The following GPC6 variants were observed in gnomAD, a reference collection of about 807,000 sequenced individuals.
GPC6 encodes glypican 6.
A neutral mutation model predicts 55.2 loss-of-function variants in GPC6; 14 were observed. The ratio of observed to expected loss-of-function variants is 0.25; its 90% CI spans 0.17 to 0.40. GPC6 has a LOEUF of 0.40. Ranked by LOEUF, GPC6 falls within the 10% of genes least tolerant of loss-of-function variation. GPC6 has a pLI of 1.00. For missense variants in GPC6, 641 were observed against 708.5 expected, an observed-to-expected ratio of 0.90 and a Z score of 1.08; for synonymous variants, 278 against 259.6, an observed-to-expected ratio of 1.07 and a Z score of -0.68.
chr13:94,272,906 G>A (rs981046875), intron 4 of GPC6, among the ~76,000 whole-genome samples: 1 of 152,050 alleles, frequency 6.6e-6, no homozygotes, highest in Non-Finnish European at 1.5e-5. Flanking sequence ...ACATCACCAG[G>A]CTCCTCGTGT....
At chr13:93,477,280 A>C (rs1211038972) in intron 1 of GPC6, among the ~76,000 whole-genome samples, 1 of 152,184 alleles carries the variant, frequency 6.6e-6, no homozygotes, top group Non-Finnish European at 1.5e-5. Context: ...ATTAAAGACA[A>C]TTTTTGTAAA....
intron 1 of GPC6, among the ~76,000 whole-genome samples, chr13:93,343,974 A>C (rs1880348680): frequency 6.6e-6 from 1 of 152,150 alleles, no homozygotes; most frequent in Non-Finnish European, 1.5e-5. Context: ...CACCTCTTCA[A>C]ATTTCCTTTA....
chr13:93,962,807 A>G (rs1486659486), intron 3 of GPC6, among the ~76,000 whole-genome samples: 3 of 152,188 alleles, frequency 2.0e-5, no homozygotes, highest in Admixed American at 2.0e-4. Flanking sequence ...AAAATGACTA[A>G]AAGATGAAAG....
intron 3 of GPC6, among the ~76,000 whole-genome samples, chr13:93,853,227 A>G (rs758436931): frequency 6.6e-6 from 1 of 151,670 alleles, no homozygotes; most frequent in African/African-American, 2.4e-5. Flanking sequence ...AGTAACATCT[A>G]TTTGTCTTTC....
chr13:94,355,604 T>G (rs1171201746), intron 6 of GPC6, among the ~76,000 whole-genome samples: 3 of 152,118 alleles, frequency 2.0e-5, no homozygotes, highest in Admixed American at 6.5e-5. Flanking sequence ...GCTATTAATA[T>G]CAATCTAAAT....
chr13:94,075,004 C>T (rs931966464), intron 4 of GPC6, among the ~76,000 whole-genome samples: 5 of 151,568 alleles, frequency 3.3e-5, no homozygotes, highest in Non-Finnish European at 5.9e-5. Context: ...GTTTTTACTC[C>T]TAGACCTTAA....
At chr13:93,263,644 C>A (rs1877226910) in intron 1 of GPC6, among the ~76,000 whole-genome samples, 1 of 152,178 alleles carries the variant, frequency 6.6e-6, no homozygotes, top group South Asian at 2.1e-4. Context: ...GGATTACAGG[C>A]ATGAGCCACC....
intron 4 of GPC6, among the ~76,000 whole-genome samples, chr13:94,134,129 T>C (rs1887101615): frequency 6.6e-6 from 1 of 152,222 alleles, no homozygotes; most frequent in African/African-American, 2.4e-5. Flanking sequence ...TTTTTCATTA[T>C]CATAAAGGCA....
intron 4 of GPC6, among the ~76,000 whole-genome samples, chr13:94,255,582 T>G (rs567960215): frequency 9.2e-5 from 14 of 152,252 alleles, no homozygotes; most frequent in African/African-American, 3.1e-4. Context: ...CTCCTCTTTT[T>G]CTATCTAAGG....
At chr13:93,393,107 G>GAT (rs374414019) in intron 1 of GPC6, among the ~76,000 whole-genome samples, 4,591 of 114,348 alleles carry the variant, frequency 0.04, 182 homozygotes, top group African/African-American at 0.11. Flanking sequence ...ATGTATATTT[G>GAT]ATATATATAT....
At chr13:93,970,301 C>T (rs889954538) in intron 3 of GPC6, among the ~76,000 whole-genome samples, 5 of 152,038 alleles carry the variant, frequency 3.3e-5, no homozygotes, top group African/African-American at 1.2e-4. Flanking sequence ...AATGAGTATG[C>T]ATAGACAAAC....
At chr13:94,063,896 T>G (rs773241811) in intron 4 of GPC6, among the ~76,000 whole-genome samples, 2 of 152,206 alleles carry the variant, frequency 1.3e-5, no homozygotes, top group Non-Finnish European at 2.9e-5. Context: ...CGCCACCAGT[T>G]TTTTTGGAGC....
intron 1 of GPC6, among the ~76,000 whole-genome samples, chr13:93,281,395 A>C (rs1877944299): frequency 6.6e-6 from 1 of 152,264 alleles, no homozygotes; most frequent in Admixed American, 6.5e-5. Context: ...AAGCATTGAA[A>C]GAAGAATAAA....
chr13:94,232,202 T>C (rs976037047), intron 4 of GPC6, among the ~76,000 whole-genome samples: 1 of 152,236 alleles, frequency 6.6e-6, no homozygotes, highest in African/African-American at 2.4e-5. Context: ...AGTATTCCTT[T>C]CATATGACCA....
At chr13:93,225,855 G>A (rs968333404), upstream of GPC6, among the ~76,000 whole-genome samples, 6 of 152,172 alleles carry the variant, frequency 3.9e-5, no homozygotes, top group African/African-American at 1.4e-4. Context: ...GCTGACCTAT[G>A]ACACATAGCC....
At chr13:93,653,575 CGTGT>C (rs55845007) in intron 2 of GPC6, among the ~76,000 whole-genome samples, 81,545 of 145,376 alleles carry the variant, frequency 0.56, 23,112 homozygotes, top group South Asian at 0.7. Flanking sequence ...AGTATATGGC[CGTGT>C]GTGTGTGTGT....
At chr13:93,334,649 T>C (rs371565662) in intron 1 of GPC6, among the ~76,000 whole-genome samples, 2 of 151,942 alleles carry the variant, frequency 1.3e-5, no homozygotes, top group South Asian at 4.1e-4. Context: ...ATAATTTTGC[T>C]AGAGACAGGG....
intron 6 of GPC6, among the ~76,000 whole-genome samples, chr13:94,330,367 A>G (rs1423881893): frequency 6.6e-6 from 1 of 152,212 alleles, no homozygotes; most frequent in East Asian, 1.9e-4. Flanking sequence ...TCTTGACTGT[A>G]CATGAAAATT....
intron 1 of GPC6, among the ~76,000 whole-genome samples, chr13:93,358,474 A>G (rs1306085019): frequency 6.6e-6 from 1 of 152,192 alleles, no homozygotes; most frequent in African/African-American, 2.4e-5. Flanking sequence ...ATGAATGAGG[A>G]CAATGAGACA....
Sources: allele counts gnomAD v4.1 joint callset (sites outside exome capture counted in the v4.1 genomes callset), GRCh38; gene constraint gnomAD v4.1.1; transcripts MANE v1.5; gene names NCBI Gene and HGNC (gene_info 2026-07-23, HGNC 2026-07-21).